Variants in MYRF observed in about 807,000 individuals in gnomAD.
MYRF encodes myelin gene regulatory factor.
Under a neutral mutation model 126.3 loss-of-function variants are expected in MYRF, and 16 were observed. The ratio of observed to expected loss-of-function variants is 0.13; its 90% CI spans 0.09 to 0.19. MYRF has a LOEUF of 0.19. MYRF is among the 10% of genes least tolerant of loss of function. The probability of loss-of-function intolerance (pLI) is 1.00; values close to 1 mark genes in which losing one functional copy is unlikely to be tolerated. For missense variants in MYRF, 1,104 were observed against 1,547.0 expected, an observed-to-expected ratio of 0.71 and a Z score of 4.80; for synonymous variants, 608 against 635.3, an observed-to-expected ratio of 0.96 and a Z score of 0.65.
chr11:61,757,424 T>C lies in MYRF; in HGVS notation c.46+4634T>C, dbSNP rs541361421. On this transcript the variant is annotated intron_variant, in intron 1 of 26. Coordinates refer to ENST00000278836, the MANE Select transcript of MYRF (RefSeq NM_001127392.3). This position sits in a 1 kb window ranked among gnomAD's most constrained non-coding sequence, Gnocchi z 4.7. ...TCCGTCCCAGGGTTTCTGGGGTGAT[T>C]AGGTAAGATTGTGCCTGGCCTGGTG... The C allele has an allele frequency of 2.0e-5, 9 of 451,950 alleles. No individual in the cohort carries two copies. The highest frequency in any genetic ancestry group is 1.4e-4 in the South Asian group (9 of 64,338). The allele number at this position is 451,950 out of a possible 1,614,324, so 28.0% of individuals were successfully genotyped here.
chr11:61,758,876 T>G (rs1489363005), intron 1 of MYRF, among the ~76,000 whole-genome samples: 1 of 152,220 alleles, frequency 6.6e-6, no homozygotes, highest in African/African-American at 2.4e-5. Context: ...AGTAAATAAC[T>G]GCTGAATGAA....
Position 61,783,999 on chromosome 11 carries a change from C to CGGA in MYRF, c.3194+75_3194+76insGAG. On this transcript the variant is annotated intron_variant, in intron 24 of 26. Coordinates refer to ENST00000278836, the MANE Select transcript of MYRF (RefSeq NM_001127392.3). The surrounding 1 kb of genome is among the most constrained non-coding windows in gnomAD (Gnocchi z 4.6). ...ATCTCCCGCAGAGCCTCAGAACAGCCGAGTCTGAGGACAGCCGGAGAGTCT... is the reference window on the plus strand; with the variant it reads ...ATCTCCCGCAGAGCCTCAGAACAGCCGGAGAGTCTGAGGACAGCCGGAGAGTCT... The CGGA allele has an allele frequency of 6.7e-7, 1 of 1,497,492 alleles. No homozygotes were observed. The highest frequency in any genetic ancestry group is 9.1e-7 in the Non-Finnish European group (1 of 1,096,040). The allele number at this position is 1,497,492 out of a possible 1,614,324, so 92.8% of individuals were successfully genotyped here. A position where few individuals can be genotyped will look rare whatever the true frequency, so the allele number is the denominator to read the frequency against.
In MYRF at chr11:61,777,748, G is replaced by A. The variant is rs879083180; in HGVS notation, c.1806G>A (p.Glu602=). Residue 602 remains glutamate, a synonymous_variant, in exon 13 of 27, where the codon GAG becomes GAA. Transcript: ENST00000278836. This position sits in a 1 kb window ranked among gnomAD's most constrained non-coding sequence, Gnocchi z 8.8. ...KEHVQEVDTT[E]QLKRISRMRL... ...GCTCCCCGCAGGTGGACACCACCGAGCAATTGAAGAGGATCTCGCGCATGC... is the reference window on the plus strand; with the variant it reads ...GCTCCCCGCAGGTGGACACCACCGAACAATTGAAGAGGATCTCGCGCATGC... The A allele has an allele frequency of 1.9e-5, 30 of 1,551,100 alleles. No homozygotes were observed. The Admixed American group carries it at 4.1e-4, about 21-fold the overall frequency.
At chr11:61,754,608 G>A (rs1184503219) in intron 1 of MYRF, among the ~76,000 whole-genome samples, 1 of 152,192 alleles carries the variant, frequency 6.6e-6, no homozygotes, top group African/African-American at 2.4e-5. Context: ...GGGTGGGCCT[G>A]GCTGGCCTGG....
chr11:61,776,973 C>A lies in MYRF; in HGVS notation c.1590+96C>A. On this transcript the variant is annotated intron_variant, in intron 11 of 26. Coordinates refer to ENST00000278836, the MANE Select transcript of MYRF (RefSeq NM_001127392.3). The surrounding 1 kb of genome is among the most constrained non-coding windows in gnomAD (Gnocchi z 4.3). ...CCGGGTACTGAGAGTCAGGAGTGGG[C>A]ATGCTCATCCTGCTAGGCACTGGCT... 1 of 1,073,982 alleles carries A rather than the reference C, an allele frequency of 9.3e-7. No homozygotes were observed. Among genetic ancestry groups the A allele is most frequent in the Non-Finnish European group, 1.3e-6 (1 of 749,386 alleles). The allele number at this position is 1,073,982 out of a possible 1,614,324, so 66.5% of individuals were successfully genotyped here.
intron 25 of MYRF, 85 bp downstream of exon 25, chr11:61,784,470 C>A: frequency 1.8e-6 from 2 of 1,102,592 alleles, no homozygotes; most frequent in Non-Finnish European, 1.3e-6. Flanking sequence ...GGGCAAGGAG[C>A]AGAAGCTGGG....
intron 1 of MYRF, chr11:61,755,764 T>G (rs2065734471): frequency 1.7e-6 from 1 of 587,780 alleles, no homozygotes; most frequent in South Asian, 1.5e-5. Context: ...GGCCCTAGAT[T>G]CTAGGGGCAC....
intron 19 of MYRF, 26 bp from the exon 20 acceptor site, chr11:61,780,934 G>A: frequency 6.2e-7 from 1 of 1,608,184 alleles, no homozygotes; most frequent in Non-Finnish European, 8.5e-7. Flanking sequence ...CAGCCCCTCT[G>A]AGCTCAGCCC....
Position 61,752,713 on chromosome 11 carries a change from C to A in MYRF, c.-32C>A. On this transcript the variant is annotated 5_prime_UTR_variant, in exon 1 of 27. Coordinates refer to ENST00000278836, the MANE Select transcript of MYRF (RefSeq NM_001127392.3). ...CCCCCGGGCCGGGCTGTAGCGGGGC[C>A]GCGGCTGGAGTGTGCGCCGGGCAGG... is the stretch of plus-strand genomic sequence containing the variant. The A allele has an allele frequency of 7.4e-7, 1 of 1,352,776 alleles. No homozygotes were observed. The highest frequency in any genetic ancestry group is 9.5e-7 in the Non-Finnish European group (1 of 1,053,682). The allele number at this position is 1,352,776 out of a possible 1,614,324, so 83.8% of individuals were successfully genotyped here. A position where few individuals can be genotyped will look rare whatever the true frequency, so the allele number is the denominator to read the frequency against.
intron 1 of MYRF, chr11:61,756,999 C>A: frequency 2.7e-6 from 1 of 371,938 alleles, no homozygotes; most frequent in Non-Finnish European, 5.4e-6. Context: ...GGACTTTGCC[C>A]TCCCTGATAA....
At chr11:61,763,279 C>A (rs774635209) in intron 1 of MYRF, among the ~76,000 whole-genome samples, 10 of 152,222 alleles carry the variant, frequency 6.6e-5, no homozygotes, top group Non-Finnish European at 1.3e-4. Context: ...CCTCTCTGAA[C>A]AGGGGATGGT....
Position 61,781,269 on chromosome 11 carries a change from C to T in MYRF, c.2704C>T (p.Pro902Ser). 1.2e-6 allele frequency: 2 copies of T among 1,614,186 alleles called. No individual in the cohort carries two copies. The highest frequency in any genetic ancestry group is 1.7e-6 in the Non-Finnish European group (2 of 1,180,038). ...TNPTTGPSLG[P>S]SFNPGHVLSP... is the part of the protein sequence containing the mutation. ...CCCTACCACTGGTCCTAGTCTTGGC[C>T]CCAGCTTTAACCCTGGCCATGTTCT... The change falls in exon 21 of 27, where the codon CCC (proline) becomes TCC (serine). Residue 902 changes from proline (P) to serine (S), a missense_variant. By Grantham distance (74) the Pro-to-Ser change is moderately conservative (BLOSUM62 -1). This residue lies in a region of MYRF where 323 missense variants were observed against 383.1 expected (regional missense o/e 0.84). Transcript: ENST00000278836.
chr11:61,761,827 C>T (rs2065909571), intron 1 of MYRF, among the ~76,000 whole-genome samples: 1 of 152,240 alleles, frequency 6.6e-6, no homozygotes, highest in African/African-American at 2.4e-5. Flanking sequence ...AATCACCTAC[C>T]TTGTAGGTTG....
intron 1 of MYRF, among the ~76,000 whole-genome samples, chr11:61,756,055 A>G (rs547598041): frequency 1.3e-5 from 2 of 152,250 alleles, no homozygotes; most frequent in South Asian, 4.1e-4. Context: ...GGGGCTTCCA[A>G]TGTGATTTTT....
chr11:61,778,839 C>T lies in MYRF; in HGVS notation c.2013+350C>T, dbSNP rs1215385433. 3.7e-6 allele frequency: 2 copies of T among 547,096 alleles called. No homozygotes were observed. The highest frequency in any genetic ancestry group is 1.9e-5 in the African/African-American group (1 of 53,472). The allele number at this position is 547,096 out of a possible 1,614,324, so 33.9% of individuals were successfully genotyped here. ...AATACGTGGTTTATTGTGAGGACGACGTTTGTCACTTACCTGTCCTGAGTC... is the reference window on the plus strand; with the variant it reads ...AATACGTGGTTTATTGTGAGGACGATGTTTGTCACTTACCTGTCCTGAGTC... On this transcript the variant is annotated intron_variant, in intron 14 of 26. Transcript: ENST00000278836. The surrounding 1 kb of genome is among the most constrained non-coding windows in gnomAD (Gnocchi z 4.6).
rs2066437972 is a variant in MYRF, at chr11:61,778,191, C to T, written c.1904-189C>T. On this transcript the variant is annotated intron_variant, in intron 13 of 26. Coordinates refer to ENST00000278836, the MANE Select transcript of MYRF (RefSeq NM_001127392.3). The surrounding 1 kb of genome is among the most constrained non-coding windows in gnomAD (Gnocchi z 4.6). ...CCACCCCAGCCCAGGAACCTCACACCTGAGCCCTGGAATTGCAATCCTGTG... is the reference window on the plus strand; with the variant it reads ...CCACCCCAGCCCAGGAACCTCACACTTGAGCCCTGGAATTGCAATCCTGTG... Among the ~76,000 whole-genome samples the T allele has an allele frequency of 6.6e-6, 1 of 152,162 alleles. No individual in the cohort carries two copies. Among genetic ancestry groups the T allele is most frequent in the South Asian group, 2.1e-4 (1 of 4,828 alleles).
intron 7 of MYRF, among the ~76,000 whole-genome samples, chr11:61,772,416 A>G (rs2066252835): frequency 6.6e-6 from 1 of 152,194 alleles, no homozygotes; most frequent in Admixed American, 6.5e-5. Flanking sequence ...GCAGGCCGGG[A>G]GCCCTGTGGG....
At chr11:61,762,919 A>G (rs1472032317) in intron 1 of MYRF, among the ~76,000 whole-genome samples, 1 of 151,986 alleles carries the variant, frequency 6.6e-6, no homozygotes, top group Non-Finnish European at 1.5e-5. Context: ...CTCCTCCCCC[A>G]AAGCACATCT....
At chr11:61,769,491 TG>T (rs2066149884) in intron 4 of MYRF, among the ~76,000 whole-genome samples, 170 bp downstream of exon 4, 1 of 152,094 alleles carries the variant, frequency 6.6e-6, no homozygotes, top group Non-Finnish European at 1.5e-5. Context: ...CACGGGCGGG[TG>T]GGGAGCCTGG....
Sources: gnomAD v4.1 joint callset for allele counts (sites outside exome capture counted in the v4.1 genomes callset) on GRCh38, gnomAD v4.1.1 for gene constraint, gnomAD v4.1.1 regional missense constraint, Gnocchi (gnomAD v3.1) non-coding constraint, MANE v1.5 for transcripts, NCBI Gene and HGNC (gene_info 2026-07-23, HGNC 2026-07-21) for gene names.